Variants in RAB27B observed in about 807,000 individuals in gnomAD.
RAB27B encodes the protein RAB27B, member RAS oncogene family.
In RAB27B, 15 loss-of-function variants were observed where a neutral mutation model predicts 24.6. That is an observed-to-expected ratio of 0.61 (90% confidence interval 0.41 to 0.94). The LOEUF (loss-of-function observed/expected upper bound fraction) is 0.94. Ranked by LOEUF, RAB27B falls within the 40% of genes least tolerant of loss-of-function variation. The pLI is 0.00. For synonymous variants in RAB27B, 105 were observed against 92.5 expected, an observed-to-expected ratio of 1.14 and a Z score of -0.78; for missense variants, 261 against 266.8, an observed-to-expected ratio of 0.98 and a Z score of 0.15.
At chr18:54,860,550 C>T (rs182720368) in intron 1 of RAB27B, among the ~76,000 whole-genome samples, 1 of 152,230 alleles carries the variant, frequency 6.6e-6, no homozygotes, top group Admixed American at 6.5e-5. Flanking sequence ...ACCAAACATC[C>T]CTTTATGAGT....
At chr18:54,848,715 A>G (rs1911435458) in intron 1 of RAB27B, among the ~76,000 whole-genome samples, 1 of 152,224 alleles carries the variant, frequency 6.6e-6, no homozygotes, top group Admixed American at 6.5e-5. Flanking sequence ...GCATTCTGGA[A>G]AATATCTACT....
intron 4 of RAB27B, among the ~76,000 whole-genome samples, chr18:54,885,616 TA>T (rs1598995744): frequency 6.6e-6 from 1 of 151,868 alleles, no homozygotes; most frequent in East Asian, 1.9e-4. Context: ...CCATCTAAAA[TA>T]GTACTCATCA....
At chr18:54,844,346 G>A (rs188297979) in intron 1 of RAB27B, among the ~76,000 whole-genome samples, 1 of 150,442 alleles carries the variant, frequency 6.6e-6, no homozygotes, top group Non-Finnish European at 1.5e-5. Context: ...ATGAACTAAC[G>A]TACTTTTCAT....
chr18:54,812,814 C>T (rs907526603), intron 2 of RAB27B, among the ~76,000 whole-genome samples: 1 of 152,088 alleles, frequency 6.6e-6, no homozygotes, highest in African/African-American at 2.4e-5. Context: ...TACAAGCACA[C>T]ATATATATGT....
chr18:54,849,401 C>G (rs1300146970), intron 1 of RAB27B, among the ~76,000 whole-genome samples: 1 of 152,152 alleles, frequency 6.6e-6, no homozygotes, highest in East Asian at 1.9e-4. Context: ...TCCTCCCACT[C>G]TGCACCAGCA....
chr18:54,810,938 C>T (rs1347815922), intron 2 of RAB27B, among the ~76,000 whole-genome samples: 1 of 151,998 alleles, frequency 6.6e-6, no homozygotes, highest in Non-Finnish European at 1.5e-5. Context: ...GACCAGGAAT[C>T]ATGGCTTTTG....
At chr18:54,851,148 A>G (rs1911571638) in intron 1 of RAB27B, among the ~76,000 whole-genome samples, 1 of 152,170 alleles carries the variant, frequency 6.6e-6, no homozygotes, top group African/African-American at 2.4e-5. Context: ...AGAAAATCAG[A>G]CTGTAATAGC....
Position 54,892,951 on chromosome 18 carries a change from A to G in RAB27B, c.*3538A>G, listed in dbSNP as rs1913426975. 1 of 152,052 alleles carries G rather than the reference A, an allele frequency of 6.6e-6. No individual in the cohort carries two copies. Among genetic ancestry groups the G allele is most frequent in the South Asian group, 2.1e-4 (1 of 4,830 alleles). The allele number at this position is 152,052 out of a possible 1,614,324, so 9.4% of individuals were successfully genotyped here. ...TTGCCATAGAGAAGGACATGAGTAC[A>G]TTAAAAATAATTTAATAGCCACAAT... On this transcript the variant is annotated 3_prime_UTR_variant, in exon 6 of 6. Transcript: ENST00000262094.
intron 2 of RAB27B, among the ~76,000 whole-genome samples, chr18:54,778,166 T>C (rs1908776364): frequency 6.6e-6 from 1 of 152,228 alleles, no homozygotes; most frequent in African/African-American, 2.4e-5. Context: ...ATAAATAATA[T>C]AATCGCCATT....
chr18:54,723,288 C>T (rs56291792), intron 2 of RAB27B, among the ~76,000 whole-genome samples: 26,331 of 152,116 alleles, frequency 0.17, 3,063 homozygotes, highest in African/African-American at 0.33. Context: ...GCCCCACCGG[C>T]GTGTTATTGG....
intron 2 of RAB27B, among the ~76,000 whole-genome samples, chr18:54,780,325 C>T (rs1283238242): frequency 6.4e-4 from 7 of 10,854 alleles, no homozygotes; most frequent in East Asian, 6.6e-3. Context: ...CTGAAGGCTT[C>T]GCCTCACCGT....
upstream of RAB27B, among the ~76,000 whole-genome samples, chr18:54,823,600 A>C (rs1185592841): frequency 6.6e-6 from 1 of 152,180 alleles, no homozygotes; most frequent in Non-Finnish European, 1.5e-5. Context: ...CATGTTCTGC[A>C]CTGCATCCCC....
rs529840264 is a variant in RAB27B, at chr18:54,778,764, C to T, written c.-20+60623C>T. On this transcript the variant is annotated intron_variant, in intron 2 of 4. Transcript: ENST00000586570. ...GCAGGGTCTTTAAAGGCATCCTGCACTTCTTGCCTCTCTGCTTTGTTCAGC... is the reference window on the plus strand; with the variant it reads ...GCAGGGTCTTTAAAGGCATCCTGCATTTCTTGCCTCTCTGCTTTGTTCAGC... Among the ~76,000 whole-genome samples the T allele has an allele frequency of 2.0e-5, 3 of 152,172 alleles. No homozygotes were observed. The East Asian group carries it at 5.8e-4, about 29-fold the overall frequency.
chr18:54,732,997 G>A (rs892655481), intron 2 of RAB27B, among the ~76,000 whole-genome samples: 4 of 151,994 alleles, frequency 2.6e-5, no homozygotes, highest in Non-Finnish European at 4.4e-5. Context: ...AACCAACTAG[G>A]TCTATATGTC....
At chr18:54,838,569 C>T (rs1910985513) in intron 1 of RAB27B, among the ~76,000 whole-genome samples, 1 of 152,130 alleles carries the variant, frequency 6.6e-6, no homozygotes, top group Non-Finnish European at 1.5e-5. Flanking sequence ...TGTGTTCTTT[C>T]TGGATTTCAG....
At chr18:54,823,806 T>C (rs1297512271), upstream of RAB27B, among the ~76,000 whole-genome samples, 3 of 152,222 alleles carry the variant, frequency 2.0e-5, no homozygotes, top group Non-Finnish European at 4.4e-5. Context: ...AAATATCTTT[T>C]GTTTCCTTAT....
chr18:54,869,901 A>C (rs890417777), intron 1 of RAB27B, among the ~76,000 whole-genome samples: 3 of 152,204 alleles, frequency 2.0e-5, no homozygotes, highest in African/African-American at 7.2e-5. Flanking sequence ...ATAACATTTC[A>C]GCTTTACAAA....
intron 4 of RAB27B, among the ~76,000 whole-genome samples, chr18:54,887,748 G>A (rs539874152): frequency 1.3e-4 from 20 of 152,176 alleles, no homozygotes; most frequent in African/African-American, 4.6e-4. Context: ...TTTACTAAAT[G>A]TTGGGTATTG....
intron 2 of RAB27B, among the ~76,000 whole-genome samples, chr18:54,776,866 G>A (rs1908732510): frequency 1.3e-5 from 2 of 152,024 alleles, no homozygotes; most frequent in Admixed American, 6.6e-5. Flanking sequence ...ACAACACGGC[G>A]AAACACCGTC....
Sources: gnomAD v4.1 joint callset for allele counts (sites outside exome capture counted in the v4.1 genomes callset) on GRCh38, gnomAD v4.1.1 for gene constraint, MANE v1.5 for transcripts, NCBI Gene and HGNC (gene_info 2026-07-23, HGNC 2026-07-21) for gene names.